The following FRMD4B variants were observed in gnomAD, a reference collection of about 807,000 sequenced individuals.
The protein encoded by FRMD4B is FERM domain containing 4B.
In FRMD4B, 74 loss-of-function variants were observed where a neutral mutation model predicts 141.5. The ratio of observed to expected loss-of-function variants is 0.52; its 90% CI spans 0.43 to 0.63. FRMD4B has a LOEUF of 0.63. Among genes scored for constraint, FRMD4B ranks in the 30% least tolerant of loss-of-function variants. FRMD4B has a pLI of 0.00. For synonymous variants in FRMD4B, 506 were observed against 467.9 expected, an observed-to-expected ratio of 1.08 and a Z score of -1.05; for missense variants, 1,366 against 1,253.4, an observed-to-expected ratio of 1.09 and a Z score of -1.36.
intron 1 of FRMD4B, among the ~76,000 whole-genome samples, chr3:69,315,572 A>G (rs1701778078): frequency 6.6e-6 from 1 of 152,222 alleles, no homozygotes; most frequent in Admixed American, 6.5e-5. Flanking sequence ...CAGTAGGACT[A>G]TGCTTCACTT....
chr3:69,405,654 G>A (rs1704638454), intron 2 of FRMD4B, among the ~76,000 whole-genome samples: 1 of 152,208 alleles, frequency 6.6e-6, no homozygotes, highest in African/African-American at 2.4e-5. Flanking sequence ...ACATATCCAA[G>A]CAAAGGGAGG....
rs971431195 is a variant in FRMD4B at position 69,267,689 on chromosome 3, A to T, written c.502-17590T>A. Among the ~76,000 whole-genome samples, 196 of 82,258 alleles carry T rather than the reference A, an allele frequency of 2.4e-3. 3 individuals carry two copies. Among genetic ancestry groups the T allele is most frequent in the African/African-American group, 7.6e-3 (168 of 22,052 alleles). The allele number at this position is 82,258 out of a possible 152,430, so 54.0% of individuals were successfully genotyped here. ...GAGAGAGAGAGAGAGAGAGAGAGAGAGTGTCTGTCTGTCCCCCCAGTCTAT... is the reference window on the plus strand; with the variant it reads ...GAGAGAGAGAGAGAGAGAGAGAGAGTGTGTCTGTCTGTCCCCCCAGTCTAT... On this transcript the variant is annotated intron_variant, in intron 5 of 22. Transcript: ENST00000398540.
intron 7 of FRMD4B, among the ~76,000 whole-genome samples, chr3:69,248,244 TACACAC>T (rs147851519): frequency 1.3e-5 from 2 of 150,674 alleles, no homozygotes; most frequent in Admixed American, 6.6e-5. Context: ...AAAATGTAAA[TACACAC>T]ACACACACAC....
At chr3:69,216,207 T>C (rs1050835745) in intron 11 of FRMD4B, 56 bp downstream of exon 11, 15 of 930,732 alleles carry the variant, frequency 1.6e-5, no homozygotes, top group East Asian at 2.6e-5. Context: ...TTCAACTATG[T>C]TGTGATTAAC....
At chr3:69,184,317 T>C (rs755259419) in intron 19 of FRMD4B, among the ~76,000 whole-genome samples, 6 of 152,244 alleles carry the variant, frequency 3.9e-5, no homozygotes, top group Non-Finnish European at 5.9e-5. Flanking sequence ...ACATATTTAT[T>C]TTTTAACAAA....
intron 1 of FRMD4B, among the ~76,000 whole-genome samples, chr3:69,522,756 C>A (rs1259992719): frequency 6.6e-6 from 1 of 152,116 alleles, no homozygotes; most frequent in Non-Finnish European, 1.5e-5. Context: ...CCATCTCCAG[C>A]CAACACCTCC....
Position 69,382,892 on chromosome 3 carries a change from C to T in FRMD4B, c.162+2936G>A, listed in dbSNP as rs367837599. Among the ~76,000 whole-genome samples, 14 of 152,062 alleles carry T rather than the reference C, an allele frequency of 9.2e-5. No individual in the cohort carries two copies. The East Asian group carries it at 9.6e-4, about 10-fold the overall frequency. On this transcript the variant is annotated intron_variant, in intron 1 of 22. Coordinates refer to ENST00000398540, the MANE Select transcript of FRMD4B (RefSeq NM_015123.3). ...CAAGACCAGGTCTGAAAGCATGGTA[C>T]CCTGATCAAACAATACCTAAAGTTC... is the stretch of plus-strand genomic sequence containing the variant.
At chr3:69,218,515 C>T in intron 9 of FRMD4B, 136 bp from the exon 10 acceptor site, 1 of 555,630 alleles carries the variant, frequency 1.8e-6, no homozygotes, top group Non-Finnish European at 3.2e-6. Flanking sequence ...CAAGTAGAAA[C>T]AGAATAAACC....
intron 1 of FRMD4B, among the ~76,000 whole-genome samples, chr3:69,364,532 T>G (rs1289591708): frequency 6.6e-6 from 1 of 152,184 alleles, no homozygotes; most frequent in East Asian, 1.9e-4. Flanking sequence ...TGGCTCTGGT[T>G]AAAGTCTATA....
chr3:69,245,326 TG>T (rs1188388363), intron 7 of FRMD4B, among the ~76,000 whole-genome samples: 4 of 149,464 alleles, frequency 2.7e-5, no homozygotes, highest in Non-Finnish European at 5.9e-5. Flanking sequence ...TTTGTGTGTG[TG>T]TGTGTGTGTG....
At chr3:69,212,371 A>AAAAG (rs2093091849) in intron 11 of FRMD4B, among the ~76,000 whole-genome samples, 5 of 86,888 alleles carry the variant, frequency 5.8e-5, no homozygotes, top group African/African-American at 8.5e-5. Flanking sequence ...AAAAAAAAAA[A>AAAAG]AAAAAAAAAG....
chr3:69,247,928 C>T (rs1449939465), intron 7 of FRMD4B, among the ~76,000 whole-genome samples: 1 of 152,132 alleles, frequency 6.6e-6, no homozygotes, highest in African/African-American at 2.4e-5. Context: ...GGATTACAGG[C>T]GTGAGCCACC....
At chr3:69,228,324 G>C (rs541354687) in intron 7 of FRMD4B, 1 of 456,684 alleles carries the variant, frequency 2.2e-6, no homozygotes, top group African/African-American at 2.0e-5. Flanking sequence ...CTGAATATTA[G>C]ACATCTCAGA....
intron 7 of FRMD4B, among the ~76,000 whole-genome samples, chr3:69,236,143 C>G (rs771038305): frequency 6.6e-6 from 1 of 151,526 alleles, no homozygotes; most frequent in Non-Finnish European, 1.5e-5. Flanking sequence ...CAAACCAGAA[C>G]AAACCAAACA....
At chr3:69,498,676 A>G (rs926110188) in intron 1 of FRMD4B, among the ~76,000 whole-genome samples, 9 of 152,214 alleles carry the variant, frequency 5.9e-5, no homozygotes, top group African/African-American at 2.2e-4. Flanking sequence ...AACTGTTAAG[A>G]GTTATAAGAG....
In FRMD4B at chr3:69,196,929, G is replaced by C; in HGVS notation, c.1063C>G (p.Gln355Glu). ...CTTTGCTTCCGGTCCAAGTAAAACTGATGCTGACTAATTGCCATTACCCAA... is the reference window on the plus strand; with the variant it reads ...CTTTGCTTCCGGTCCAAGTAAAACTCATGCTGACTAATTGCCATTACCCAA... ...SIWVMAISQH[Q>E]FYLDRKQSKA... Residue 355 changes from glutamine (Q) to glutamate (E), a missense_variant, in exon 13 of 23, where the codon CAG becomes GAG. By Grantham distance (29) the Gln-to-Glu change is conservative. Coordinates refer to ENST00000398540, the MANE Select transcript of FRMD4B (RefSeq NM_015123.3). 3 of 1,611,728 alleles carry C rather than the reference G, an allele frequency of 1.9e-6. No individual in the cohort carries two copies. Among genetic ancestry groups the C allele is most frequent in the South Asian group, 1.1e-5 (1 of 91,030 alleles).
intron 1 of FRMD4B, among the ~76,000 whole-genome samples, chr3:69,505,486 A>G (rs1706581481): frequency 6.6e-6 from 1 of 152,248 alleles, no homozygotes; most frequent in South Asian, 2.1e-4. Flanking sequence ...GACATTAATG[A>G]AAGTCAGCTT....
chr3:69,536,141 G>A (rs902841599), intron 1 of FRMD4B: 2 of 504,600 alleles, frequency 4.0e-6, no homozygotes, highest in Non-Finnish European at 7.5e-6. Flanking sequence ...TGGCTTGGGA[G>A]GAGCCTTCTG....
At chr3:69,323,522 A>C (rs1485553414) in intron 1 of FRMD4B, among the ~76,000 whole-genome samples, 1 of 150,506 alleles carries the variant, frequency 6.6e-6, no homozygotes, top group African/African-American at 2.4e-5. Context: ...CTGAGGTCGC[A>C]CCACTGCACT....
Sources: gnomAD v4.1 joint callset for allele counts (sites outside exome capture counted in the v4.1 genomes callset) on GRCh38, gnomAD v4.1.1 for gene constraint, MANE v1.5 for transcripts, NCBI Gene and HGNC (gene_info 2026-07-23, HGNC 2026-07-21) for gene names.